The following SDC2 variants were observed in gnomAD, a reference collection of about 807,000 sequenced individuals.
The protein encoded by SDC2 is syndecan 2.
A neutral mutation model predicts 22.2 loss-of-function variants in SDC2; 13 were observed. That is an observed-to-expected ratio of 0.59 (90% CI 0.38 to 0.93). The LOEUF is 0.93. Among genes scored for constraint, SDC2 ranks in the 40% least tolerant of loss-of-function variants. The pLI is 0.00. For missense variants in SDC2, 235 were observed against 246.8 expected (o/e 0.95, Z 0.32); for synonymous variants, 94 against 92.8 (o/e 1.01, Z -0.07).
intron 1 of SDC2, among the ~76,000 whole-genome samples, chr8:96,496,596 T>TA (rs201769519): frequency 0.013 from 1,921 of 151,924 alleles, 33 homozygotes; most frequent in African/African-American, 0.044. Flanking sequence ...AGACTGAATT[T>TA]AAAAAAAAAT....
In SDC2 at chr8:96,537,024, T is replaced by C. The variant is rs570567355; in HGVS notation, c.60+42693T>C. Among the ~76,000 whole-genome samples the C allele has an allele frequency of 3.9e-5, 6 of 152,334 alleles. No homozygotes were observed. The South Asian group carries it at 1.2e-3, about 32-fold the overall frequency. The stretch of plus-strand genomic sequence containing the variant: ...TAAAATCAGCCATTCAATTTATCTA[T>C]ATTATAAAATGATGAAGGCATGCTC... On this transcript the variant is annotated intron_variant, in intron 1 of 4. Coordinates refer to ENST00000302190, the MANE Select transcript of SDC2 (RefSeq NM_002998.4).
intron 1 of SDC2, among the ~76,000 whole-genome samples, chr8:96,571,784 T>TAA (rs1814399431): frequency 6.6e-6 from 1 of 152,228 alleles, no homozygotes; most frequent in Non-Finnish European, 1.5e-5. Flanking sequence ...AGACAGTACC[T>TAA]TGAACATTTT....
At chr8:96,497,336 C>T (rs1021103035) in intron 1 of SDC2, among the ~76,000 whole-genome samples, 6 of 152,082 alleles carry the variant, frequency 3.9e-5, no homozygotes, top group African/African-American at 1.4e-4. Flanking sequence ...GGCTCTTTCT[C>T]TCTTAGTTGG....
chr8:96,497,658 C>T (rs954415990), intron 1 of SDC2, among the ~76,000 whole-genome samples: 4 of 152,170 alleles, frequency 2.6e-5, no homozygotes, highest in Non-Finnish European at 4.4e-5. Flanking sequence ...CTAGAGGTGG[C>T]TTGGAGTCTC....
At position 96,596,002 on chromosome 8, in the gene SDC2, A is replaced by G. The variant is rs1179860643; in HGVS notation, c.172+2411A>G. On this transcript the variant is annotated intron_variant, in intron 2 of 4. Coordinates refer to ENST00000302190, the MANE Select transcript of SDC2 (RefSeq NM_002998.4). ...TGAGCTGGGAGTGTTGTTTTTCAGC[A>G]TGAAGCAGCAGTACTTGTAACTAAA... Among the ~76,000 whole-genome samples the G allele has an allele frequency of 3.3e-5, 5 of 152,354 alleles. No homozygotes were observed. The East Asian group carries it at 9.7e-4, about 29-fold the overall frequency.
chr8:96,556,043 C>A (rs554567147), intron 1 of SDC2, among the ~76,000 whole-genome samples: 1 of 140,982 alleles, frequency 7.1e-6, no homozygotes, highest in East Asian at 2.2e-4. Flanking sequence ...ATCACACACA[C>A]ACACACACAC....
At chr8:96,570,785 C>T (rs1393068711) in intron 1 of SDC2, among the ~76,000 whole-genome samples, 3 of 152,176 alleles carry the variant, frequency 2.0e-5, no homozygotes, top group South Asian at 4.1e-4. Context: ...TTAAATAGAG[C>T]ATGTTATTAA....
intron 2 of SDC2, among the ~76,000 whole-genome samples, chr8:96,601,858 A>C (rs991155328): frequency 2.0e-5 from 3 of 151,670 alleles, no homozygotes; most frequent in Non-Finnish European, 4.4e-5. Context: ...CTCCAGGTTC[A>C]AGTGATTCTC....
intron 1 of SDC2, among the ~76,000 whole-genome samples, chr8:96,519,374 G>A (rs1813458651): frequency 6.6e-6 from 1 of 152,114 alleles, no homozygotes; most frequent in Admixed American, 6.5e-5. Flanking sequence ...ATTTCTTAAT[G>A]CTCCACGTTA....
chr8:96,566,515 G>A lies in SDC2; in HGVS notation c.61-26965G>A, dbSNP rs1814301090. On this transcript the variant is annotated intron_variant, in intron 1 of 4. Coordinates refer to ENST00000302190, the MANE Select transcript of SDC2 (RefSeq NM_002998.4). ...GTGGATCATAACAAATTTTGTTTGG[G>A]TGTGTTTTCATGTCTAAAGAGGATC... Among the ~76,000 whole-genome samples, 6 of 152,162 alleles carry A rather than the reference G, an allele frequency of 3.9e-5. No homozygotes were observed. In the South Asian group the frequency reaches 1.2e-3, roughly 32 times the overall value.
At chr8:96,512,114 G>A (rs915631086) in intron 1 of SDC2, among the ~76,000 whole-genome samples, 1 of 152,186 alleles carries the variant, frequency 6.6e-6, no homozygotes, top group African/African-American at 2.4e-5. Flanking sequence ...GCCACAGCCT[G>A]GAGGGGTAAC....
At chr8:96,597,109 C>G (rs2130642036) in intron 2 of SDC2, among the ~76,000 whole-genome samples, 1 of 152,278 alleles carries the variant, frequency 6.6e-6, no homozygotes, top group South Asian at 2.1e-4. Context: ...TAAAACAGAA[C>G]CCGGGGGTAT....
At chr8:96,588,796 G>T (rs1010203106) in intron 1 of SDC2, among the ~76,000 whole-genome samples, 10 of 152,192 alleles carry the variant, frequency 6.6e-5, no homozygotes, top group African/African-American at 2.2e-4. Context: ...CCACTGTGTT[G>T]GTTGCACTGG....
At chr8:96,598,124 C>G (rs1281175731) in intron 2 of SDC2, among the ~76,000 whole-genome samples, 2 of 152,070 alleles carry the variant, frequency 1.3e-5, no homozygotes, top group Non-Finnish European at 2.9e-5. Flanking sequence ...CTGCTGCATC[C>G]TCACATGGCA....
intron 2 of SDC2, among the ~76,000 whole-genome samples, chr8:96,600,120 C>T (rs1814953306): frequency 6.6e-6 from 1 of 152,184 alleles, no homozygotes; most frequent in Non-Finnish European, 1.5e-5. Flanking sequence ...GATCGCACCC[C>T]TGCACTCTGG....
At chr8:96,591,626 C>A (rs1312292811) in intron 1 of SDC2, among the ~76,000 whole-genome samples, 2 of 152,110 alleles carry the variant, frequency 1.3e-5, no homozygotes. Flanking sequence ...TCATATGCTA[C>A]AAAATCCTAA....
chr8:96,601,808 G>A (rs1814992602), intron 2 of SDC2, among the ~76,000 whole-genome samples: 1 of 151,688 alleles, frequency 6.6e-6, no homozygotes, highest in Non-Finnish European at 1.5e-5. Flanking sequence ...CACCCAGGCT[G>A]GAATGCAATG....
intron 1 of SDC2, among the ~76,000 whole-genome samples, chr8:96,519,611 A>C (rs1418587818): frequency 2.6e-5 from 4 of 152,142 alleles, no homozygotes; most frequent in African/African-American, 9.7e-5. Context: ...AAGTGGTGAA[A>C]AAAATTAAAT....
At chr8:96,580,699 A>C in intron 1 of SDC2, 2 of 178,156 alleles carry the variant, frequency 1.1e-5, no homozygotes, top group Non-Finnish European at 2.2e-5. Context: ...ACTCAGTAAG[A>C]CTCTGTGGGC....
Sources: allele counts gnomAD v4.1 joint callset (sites outside exome capture counted in the v4.1 genomes callset), GRCh38; gene constraint gnomAD v4.1.1; transcripts MANE v1.5; gene names NCBI Gene and HGNC (gene_info 2026-07-23, HGNC 2026-07-21).